SLC16A7: variants seen among roughly 807,000 people sequenced by gnomAD.
The protein encoded by SLC16A7 is solute carrier family 16 member 7.
In SLC16A7, 33 loss-of-function variants were observed where a neutral mutation model predicts 34.9. The observed-to-expected ratio is 0.94, with a 90% confidence interval of 0.72 to 1.26. The LOEUF is 1.26. Ranked by LOEUF, SLC16A7 falls within the 50% of genes most tolerant of loss-of-function variation. The probability of loss-of-function intolerance (pLI) is 0.00; values close to 1 mark genes in which losing one functional copy is unlikely to be tolerated. For synonymous variants in SLC16A7, 201 were observed against 206.6 expected (o/e 0.97, Z 0.23); for missense variants, 573 against 578.1 (o/e 0.99, Z 0.09).
rs573829711 is a variant in SLC16A7 at position 59,655,418 on chromosome 12, G to A, written c.-31+168G>A. Among the ~76,000 whole-genome samples, 35 of 151,974 alleles carry A rather than the reference G, an allele frequency of 2.3e-4. No individual in the cohort carries two copies. The East Asian group carries it at 6.2e-3, about 27-fold the overall frequency. ...TTAAAGTTGGTACTTTTAGCTTCTA[G>A]TGTTTCCATGATCCAATATACTGTG... On this transcript the variant is annotated intron_variant, in intron 2 of 5. Coordinates refer to ENST00000547379, the MANE Select transcript of SLC16A7 (RefSeq NM_001270623.2).
chr12:59,690,777 A>G (rs1871555421), intron 2 of SLC16A7, among the ~76,000 whole-genome samples: 1 of 151,972 alleles, frequency 6.6e-6, no homozygotes, highest in Non-Finnish European at 1.5e-5. Context: ...CTGGTTCTCA[A>G]AATAATCAGC....
At position 59,775,390 on chromosome 12, in the gene SLC16A7, C is replaced by T. The variant is rs371501823; in HGVS notation, c.1095C>T (p.Leu365=). The change falls in exon 5 of 6, where the codon CTC becomes CTT. Residue 365 remains leucine, a synonymous_variant. Transcript: ENST00000547379. ...TTCTCTTTGAAACTCTCATGGACCT[C>T]GTGGGTGCACCAAGATTTTCCAGTG... ...SSVLFETLMD[L]VGAPRFSSAV... The T allele has an allele frequency of 1.4e-4, 228 of 1,613,966 alleles. No homozygotes were observed. The highest frequency in any genetic ancestry group is 1.7e-4 in the Non-Finnish European group (201 of 1,180,004).
intron 3 of SLC16A7, among the ~76,000 whole-genome samples, chr12:59,745,114 A>G (rs1452712719): frequency 2.6e-5 from 4 of 152,146 alleles, no homozygotes; most frequent in Non-Finnish European, 5.9e-5. Flanking sequence ...CATCTCCCTC[A>G]TCACCTTCAT....
intron 1 of SLC16A7, among the ~76,000 whole-genome samples, chr12:59,635,197 C>A (rs1303593517): frequency 1.3e-5 from 2 of 152,030 alleles, no homozygotes; most frequent in African/African-American, 4.8e-5. Flanking sequence ...ATGCTGCTGA[C>A]CTCTCCCTAT....
intron 3 of SLC16A7, among the ~76,000 whole-genome samples, chr12:59,718,800 G>A (rs1465851626): frequency 2.0e-5 from 3 of 152,084 alleles, no homozygotes; most frequent in African/African-American, 7.2e-5. Context: ...TGCCTGCTTT[G>A]CCTTATATTT....
intron 3 of SLC16A7, among the ~76,000 whole-genome samples, chr12:59,715,933 C>T (rs970597132): frequency 2.0e-5 from 3 of 152,052 alleles, no homozygotes; most frequent in Admixed American, 6.6e-5. Context: ...TTTACATTAG[C>T]GTTTTTGTAG....
In SLC16A7 at chr12:59,751,876, C is replaced by T. The variant is rs1378350823; in HGVS notation, c.218-19343C>T. 3.3e-5 allele frequency among the ~76,000 whole-genome samples: 5 copies of T among 152,136 alleles called. No homozygotes were observed. The East Asian group carries it at 9.7e-4, about 29-fold the overall frequency. ...ACCCCGCAGTTGGGGCAGACTGACA[C>T]CTCACACGGCCGGGTACTCCTCTTA... On this transcript the variant is annotated intron_variant, in intron 3 of 5. Transcript: ENST00000547379.
At chr12:59,747,378 G>T (rs973479774) in intron 3 of SLC16A7, among the ~76,000 whole-genome samples, 1 of 151,998 alleles carries the variant, frequency 6.6e-6, no homozygotes, top group South Asian at 2.1e-4. Context: ...AAAATATATT[G>T]TACAGAAAAT....
intron 3 of SLC16A7, among the ~76,000 whole-genome samples, chr12:59,767,060 G>T (rs570973891): frequency 4.7e-5 from 7 of 150,026 alleles, no homozygotes; most frequent in African/African-American, 1.7e-4. Flanking sequence ...TTAGTCTTGC[G>T]AGGGTGTATG....
intron 1 of SLC16A7, among the ~76,000 whole-genome samples, chr12:59,602,968 A>G (rs897094171): frequency 4.6e-5 from 7 of 152,082 alleles, no homozygotes; most frequent in Non-Finnish European, 2.9e-5. Flanking sequence ...TGCTTTTGAT[A>G]CTTCCAGTAT....
intron 2 of SLC16A7, among the ~76,000 whole-genome samples, chr12:59,673,421 C>T (rs1393289653): frequency 1.3e-5 from 2 of 151,446 alleles, no homozygotes; most frequent in Non-Finnish European, 2.9e-5. Flanking sequence ...CAAAATTAAG[C>T]CCTAACTCAG....
rs760918584 is a variant in SLC16A7 at position 59,775,104 on chromosome 12, C to T, written c.809C>T (p.Pro270Leu). The T allele has an allele frequency of 6.2e-7, 1 of 1,614,078 alleles. No individual in the cohort carries two copies. Reference sequence around the variant, plus strand: ...TTTGCCCCCATTATATTCTTGGCTCCATATGCTAAAGACCAAGGAATTGAT... The same window carrying T: ...TTTGCCCCCATTATATTCTTGGCTCTATATGCTAAAGACCAAGGAATTGAT... The part of the protein sequence containing the change: ...GFFAPIIFLA[P>L]YAKDQGIDEY... The change falls in exon 5 of 6, where the codon CCA becomes CTA. Residue 270 changes from proline (P) to leucine (L), a missense_variant. Pro to Leu is a moderately conservative substitution (Grantham distance 98, BLOSUM62 -3). Transcript: ENST00000547379.
intron 3 of SLC16A7, among the ~76,000 whole-genome samples, chr12:59,715,561 C>T (rs1284748057): frequency 9.5e-4 from 144 of 152,228 alleles, no homozygotes; most frequent in Non-Finnish European, 3.2e-4. Context: ...GTTGTTTACA[C>T]TCTGGGAGCT....
chr12:59,697,560 G>C (rs927500370), intron 2 of SLC16A7, among the ~76,000 whole-genome samples: 2 of 151,672 alleles, frequency 1.3e-5, no homozygotes, highest in Non-Finnish European at 2.9e-5. Flanking sequence ...TCATTTACTT[G>C]TATATACTGT....
rs752826408 is a variant in SLC16A7, at chr12:59,774,736, T to A, written c.441T>A (p.Asn147Lys). 2.5e-6 allele frequency: 4 copies of A among 1,613,726 alleles called. No homozygotes were observed. In the South Asian group the frequency reaches 4.4e-5, roughly 18 times the overall value. Residue 147 changes from asparagine to lysine, a missense_variant, in exon 5 of 6, where the codon AAT (asparagine) becomes AAA (lysine). Physicochemically the swap from Asn to Lys is moderately conservative, Grantham distance 94. Coordinates refer to ENST00000547379, the MANE Select transcript of SLC16A7 (RefSeq NM_001270623.2). ...TCTATAGGAAGCGACCCATGGCAAA[T>A]GGATTGGCCATGGCAGGAAGTCCTG... Reference protein sequence around the residue: ...KYFYRKRPMANGLAMAGSPVF... With the variant: ...KYFYRKRPMAKGLAMAGSPVF...
intron 1 of SLC16A7, among the ~76,000 whole-genome samples, chr12:59,649,467 C>T (rs1868304072): frequency 6.6e-6 from 1 of 152,108 alleles, no homozygotes; most frequent in Non-Finnish European, 1.5e-5. Flanking sequence ...TATTTCATTT[C>T]CAAATACTGC....
intron 3 of SLC16A7, among the ~76,000 whole-genome samples, chr12:59,745,601 G>A (rs1345301336): frequency 6.6e-6 from 1 of 152,128 alleles, no homozygotes; most frequent in Non-Finnish European, 1.5e-5. Flanking sequence ...GGAGACAGAA[G>A]TATCAGAATC....
chr12:59,762,345 T>C (rs1186972240), intron 3 of SLC16A7, among the ~76,000 whole-genome samples: 2 of 152,142 alleles, frequency 1.3e-5, no homozygotes, highest in Non-Finnish European at 2.9e-5. Flanking sequence ...AAATGGAATG[T>C]GTTACGATAA....
intron 2 of SLC16A7, among the ~76,000 whole-genome samples, chr12:59,678,652 G>A (rs111951978): frequency 0.071 from 10,824 of 152,134 alleles, 428 homozygotes; most frequent in Middle Eastern, 0.17. Context: ...GGGCAGCCAC[G>A]GGTAGGCATG....
Sources: gnomAD v4.1 joint callset for allele counts (sites outside exome capture counted in the v4.1 genomes callset) on GRCh38, gnomAD v4.1.1 for gene constraint, MANE v1.5 for transcripts, NCBI Gene and HGNC (gene_info 2026-07-23, HGNC 2026-07-21) for gene names.